PDE10A: variants seen among roughly 807,000 people sequenced by gnomAD.
The protein encoded by PDE10A is cAMP and cAMP-inhibited cGMP 3',5'-cyclic phosphodiesterase 10A.
In PDE10A, 39 loss-of-function variants were observed where a neutral mutation model predicts 97.7. The ratio of observed to expected loss-of-function variants is 0.40; its 90% CI spans 0.31 to 0.52. PDE10A has a LOEUF of 0.52. Among genes scored for constraint, PDE10A ranks in the 20% least tolerant of loss-of-function variants. The probability of loss-of-function intolerance (pLI) is 0.56; values close to 1 mark genes in which losing one functional copy is unlikely to be tolerated. For synonymous variants in PDE10A, 371 were observed against 376.8 expected, an observed-to-expected ratio of 0.98 and a Z score of 0.18; for missense variants, 731 against 1,047.8, an observed-to-expected ratio of 0.70 and a Z score of 4.17.
chr6:165,924,625 C>T (rs758312774), intron 1 of PDE10A, among the ~76,000 whole-genome samples: 3 of 152,212 alleles, frequency 2.0e-5, no homozygotes, highest in East Asian at 1.9e-4. Flanking sequence ...CAAAGCACAA[C>T]GAGCACCAGA....
intron 1 of PDE10A, among the ~76,000 whole-genome samples, chr6:165,783,549 T>C (rs1289538476): frequency 1.3e-5 from 2 of 151,618 alleles, no homozygotes; most frequent in Non-Finnish European, 2.9e-5. Context: ...GTGGTGGACA[T>C]TGTTCACAGA....
chr6:165,465,220 G>A (rs920699537), intron 3 of PDE10A, among the ~76,000 whole-genome samples: 2 of 152,164 alleles, frequency 1.3e-5, no homozygotes, highest in African/African-American at 4.8e-5. Context: ...ATTCTGTAAT[G>A]AGCAACTATA....
intron 1 of PDE10A, among the ~76,000 whole-genome samples, chr6:165,794,514 A>G (rs1278454663): frequency 1.3e-5 from 2 of 151,622 alleles, no homozygotes; most frequent in Non-Finnish European, 2.9e-5. Flanking sequence ...ATGCTCACTC[A>G]TACACTCGCA....
chr6:165,727,613 CT>C (rs1435184899), intron 1 of PDE10A, among the ~76,000 whole-genome samples: 1 of 152,180 alleles, frequency 6.6e-6, no homozygotes, highest in Non-Finnish European at 1.5e-5. Flanking sequence ...CACCAGTGCT[CT>C]CCAGAATTCA....
At chr6:165,884,478 T>G (rs2500472) in intron 1 of PDE10A, among the ~76,000 whole-genome samples, 126,176 of 152,186 alleles carry the variant, frequency 0.83, 52,997 homozygotes, top group East Asian at 0.97. Flanking sequence ...CCCAGAACCC[T>G]CGAGTGGCAG....
intron 1 of PDE10A, among the ~76,000 whole-genome samples, chr6:165,897,745 G>C (rs1781996379): frequency 6.6e-6 from 1 of 151,752 alleles, no homozygotes; most frequent in East Asian, 1.9e-4. Flanking sequence ...GGTGAGCTCA[G>C]GATGTGCCTG....
chr6:165,499,378 A>G (rs771780117), intron 2 of PDE10A, among the ~76,000 whole-genome samples: 7 of 152,240 alleles, frequency 4.6e-5, no homozygotes, highest in Non-Finnish European at 7.3e-5. Flanking sequence ...ACTCAAAGAA[A>G]TAAGAAGCCA....
chr6:165,777,793 G>A (rs550101909), intron 1 of PDE10A, among the ~76,000 whole-genome samples: 140 of 152,106 alleles, frequency 9.2e-4, no homozygotes, highest in Middle Eastern at 3.4e-3. Flanking sequence ...TGGATCACTC[G>A]TGAGCCAGTC....
At chr6:165,433,981 C>T (rs1343589964) in intron 6 of PDE10A, among the ~76,000 whole-genome samples, 1 of 133,618 alleles carries the variant, frequency 7.5e-6, no homozygotes, top group Non-Finnish European at 1.5e-5. Flanking sequence ...CAAGCCACTG[C>T]ACTCCAGCCT....
At chr6:165,561,739 T>G (rs1431125890) in intron 1 of PDE10A, among the ~76,000 whole-genome samples, 1 of 152,136 alleles carries the variant, frequency 6.6e-6, no homozygotes, top group African/African-American at 2.4e-5. Context: ...AGCAGATAGT[T>G]TTCTCCCATT....
chr6:165,525,731 G>C (rs1441684347), intron 2 of PDE10A, among the ~76,000 whole-genome samples: 2 of 152,200 alleles, frequency 1.3e-5, no homozygotes, highest in Non-Finnish European at 2.9e-5. Context: ...CAGGGGCCAA[G>C]TGGTGGTACT....
chr6:165,437,815 G>C (rs960894045), intron 5 of PDE10A, among the ~76,000 whole-genome samples: 2 of 152,160 alleles, frequency 1.3e-5, no homozygotes, highest in Non-Finnish European at 2.9e-5. Flanking sequence ...CTTTATATTA[G>C]TGGTTCCCTT....
At chr6:165,976,278 TAGGCTGAATC>T (rs1281362932) in intron 1 of PDE10A, among the ~76,000 whole-genome samples, 3 of 152,214 alleles carry the variant, frequency 2.0e-5, no homozygotes, top group Non-Finnish European at 4.4e-5. Flanking sequence ...CCAGTGATTT[TAGGCTGAATC>T]ACTAAAATCT....
intron 1 of PDE10A, among the ~76,000 whole-genome samples, chr6:165,843,997 G>T (rs898638796): frequency 6.6e-6 from 1 of 152,174 alleles, no homozygotes; most frequent in Non-Finnish European, 1.5e-5. Context: ...CACGGCACAG[G>T]TTCCGAAATG....
At chr6:165,447,127 T>C (rs902009733) in intron 5 of PDE10A, among the ~76,000 whole-genome samples, 2 of 151,656 alleles carry the variant, frequency 1.3e-5, no homozygotes, top group African/African-American at 2.4e-5. Context: ...TTAAGCCAAG[T>C]GATTAAGAAT....
At chr6:165,870,405 G>T (rs76538699) in intron 1 of PDE10A, among the ~76,000 whole-genome samples, 3,508 of 152,132 alleles carry the variant, frequency 0.023, 134 homozygotes, top group African/African-American at 0.078. Flanking sequence ...ATGAGATATT[G>T]TCTCACTCCA....
chr6:165,625,005 C>A (rs1033435512), intron 1 of PDE10A, among the ~76,000 whole-genome samples: 33 of 152,300 alleles, frequency 2.2e-4, no homozygotes, highest in African/African-American at 7.7e-4. Context: ...TCAGTTAGTA[C>A]AAAGGCACCA....
chr6:165,748,532 C>G (rs963837322), intron 1 of PDE10A, among the ~76,000 whole-genome samples: 6 of 152,212 alleles, frequency 3.9e-5, no homozygotes, highest in Non-Finnish European at 8.8e-5. Context: ...CCTGGTTCTG[C>G]TAACACTACT....
chr6:165,487,431 TACC>T (rs1418903254), intron 2 of PDE10A, among the ~76,000 whole-genome samples: 1 of 152,202 alleles, frequency 6.6e-6, no homozygotes, highest in Non-Finnish European at 1.5e-5. Flanking sequence ...TGGTGAGTTG[TACC>T]ATTATTTCAT....
Sources: gnomAD v4.1 joint callset for allele counts (sites outside exome capture counted in the v4.1 genomes callset) on GRCh38, gnomAD v4.1.1 for gene constraint, MANE v1.5 for transcripts, NCBI Gene and HGNC (gene_info 2026-07-23, HGNC 2026-07-21) for gene names.